The following IL7 variants were observed in gnomAD, a reference collection of about 807,000 sequenced individuals.
IL7 encodes the protein interleukin-7.
IL7 carries 3 observed loss-of-function variants against 21.6 expected under a neutral mutation model. The observed-to-expected ratio is 0.14, with a 90% CI of 0.06 to 0.36. IL7 has a LOEUF of 0.36. Ranked by LOEUF, IL7 falls within the 10% of genes least tolerant of loss-of-function variation. The probability of loss-of-function intolerance (pLI) is 1.00; values close to 1 mark genes in which losing one functional copy is unlikely to be tolerated. For missense variants in IL7, 175 were observed against 200.2 expected (o/e 0.87, Z 0.76); for synonymous variants, 62 against 68.1 (o/e 0.91, Z 0.44).
At chr8:78,799,911 T>C (rs1272916691) in intron 1 of IL7, among the ~76,000 whole-genome samples, 1 of 152,002 alleles carries the variant, frequency 6.6e-6, no homozygotes, top group East Asian at 1.9e-4. Flanking sequence ...ATTTTGGCAA[T>C]TAAAAAAATG....
intron 2 of IL7, among the ~76,000 whole-genome samples, chr8:78,767,910 A>C (rs1041339366): frequency 6.6e-6 from 1 of 151,976 alleles, no homozygotes; most frequent in East Asian, 1.9e-4. Flanking sequence ...TCCTAAAGCT[A>C]TCCCTCCCCC....
chr8:78,762,661 T>A (rs1812616411), intron 2 of IL7, among the ~76,000 whole-genome samples: 1 of 151,966 alleles, frequency 6.6e-6, no homozygotes. Flanking sequence ...CATTTTTTTT[T>A]TTCTATTGTG....
downstream of IL7, among the ~76,000 whole-genome samples, chr8:78,716,063 A>G (rs2130617295): frequency 6.7e-6 from 1 of 148,802 alleles, no homozygotes; most frequent in African/African-American, 2.5e-5. Flanking sequence ...AAAGGCTGTT[A>G]TAGTGTATAG....
chr8:78,691,327 C>A (rs1256419706), intron 3 of IL7, among the ~76,000 whole-genome samples: 1 of 151,994 alleles, frequency 6.6e-6, no homozygotes, highest in Non-Finnish European at 1.5e-5. Flanking sequence ...TTACATCTTC[C>A]CCATTTATTG....
At chr8:78,700,488 A>G (rs907919838) in intron 3 of IL7, among the ~76,000 whole-genome samples, 20 of 152,100 alleles carry the variant, frequency 1.3e-4, no homozygotes, top group African/African-American at 4.6e-4. Context: ...TTCTTTTGCT[A>G]TGCAGAAACT....
chr8:78,687,238 T>G (rs150302278), intron 3 of IL7, among the ~76,000 whole-genome samples: 3 of 152,050 alleles, frequency 2.0e-5, no homozygotes, highest in Non-Finnish European at 4.4e-5. Context: ...CTAAAGAGGT[T>G]GTTAATGTAA....
chr8:78,711,083 G>C (rs1489035391), intron 3 of IL7, among the ~76,000 whole-genome samples: 1 of 152,040 alleles, frequency 6.6e-6, no homozygotes, highest in African/African-American at 2.4e-5. Flanking sequence ...TAGATGCTCA[G>C]GGTTTATAGT....
chr8:78,759,844 C>T (rs1260763496), intron 2 of IL7, among the ~76,000 whole-genome samples: 1 of 152,046 alleles, frequency 6.6e-6, no homozygotes, highest in Non-Finnish European at 1.5e-5. Context: ...AGTAGAGATC[C>T]ACAGTGATAA....
intron 1 of IL7, among the ~76,000 whole-genome samples, chr8:78,802,683 T>G (rs566748362): frequency 2.6e-5 from 4 of 152,296 alleles, no homozygotes; most frequent in South Asian, 2.1e-4. Context: ...TCTGCCCACC[T>G]CAGCCTCCCC....
chr8:78,713,023 G>A (rs902291242), downstream of IL7, among the ~76,000 whole-genome samples: 3 of 152,100 alleles, frequency 2.0e-5, no homozygotes, highest in African/African-American at 4.8e-5. Flanking sequence ...TGTGCTGTGA[G>A]CCGTTTTTCA....
chr8:78,684,396 A>T (rs541327266), intron 4 of IL7, among the ~76,000 whole-genome samples: 1 of 152,296 alleles, frequency 6.6e-6, no homozygotes, highest in African/African-American at 2.4e-5. Context: ...AAACCATCAG[A>T]TCTCATGAGA....
chr8:78,709,227 CATGT>C (rs1240008193), intron 3 of IL7, among the ~76,000 whole-genome samples: 1 of 152,138 alleles, frequency 6.6e-6, no homozygotes, highest in Non-Finnish European at 1.5e-5. Context: ...CAACCAAAGG[CATGT>C]ATGGAGCATT....
At chr8:78,791,115 A>G (rs962706416) in intron 2 of IL7, among the ~76,000 whole-genome samples, 6 of 152,072 alleles carry the variant, frequency 3.9e-5, no homozygotes, top group African/African-American at 1.4e-4. Flanking sequence ...TTCAAGGGGG[A>G]AAGACAAGTT....
chr8:78,683,285 G>A (rs1229267587), intron 4 of IL7, among the ~76,000 whole-genome samples: 2 of 152,228 alleles, frequency 1.3e-5, no homozygotes, highest in Non-Finnish European at 2.9e-5. Flanking sequence ...CCCTAGCAGA[G>A]GTTCTCCATG....
chr8:78,779,865 C>T (rs1021053146), intron 2 of IL7, among the ~76,000 whole-genome samples: 1 of 152,020 alleles, frequency 6.6e-6, no homozygotes, highest in Non-Finnish European at 1.5e-5. Flanking sequence ...TCTGTCTGGT[C>T]GCGGGTTTTC....
rs1390606816 is a variant in IL7 at position 78,761,232 on chromosome 8, A to G, written c.148-21150T>C. ...ACAGAAATTACGTTGTCAAGTTCTA[A>G]AAGCAGTTGTGGTGATCGATGGAAA... On this transcript the variant is annotated intron_variant, in intron 2 of 5. Transcript: ENST00000263851. The G allele has an allele frequency of 1.2e-5, 20 of 1,601,166 alleles. No homozygotes were observed. In the Admixed American group the frequency reaches 1.6e-4, roughly 13 times the overall value.
At chr8:78,679,322 T>A (rs1809687766) in intron 4 of IL7, 1 of 152,186 alleles carries the variant, frequency 6.6e-6, no homozygotes, top group African/African-American at 2.4e-5. Flanking sequence ...TTCCAGGGAC[T>A]CGCCTCTGAT....
rs912964806 is a variant in IL7, at chr8:78,805,283, C to T, written c.-361G>A. 3 of 206,928 alleles carry T rather than the reference C, an allele frequency of 1.4e-5. No individual in the cohort carries two copies. The highest frequency in any genetic ancestry group is 4.6e-5 in the African/African-American group (2 of 43,582). The allele number at this position is 206,928 out of a possible 1,614,324, so 12.8% of individuals were successfully genotyped here. A position where few individuals can be genotyped will look rare whatever the true frequency, so the allele number is the denominator to read the frequency against. ...CTCCTGGGCACCTGCTTCCCGCGCA[C>T]CTGGATGAGGACCAGAGGAATTCGC... On this transcript the variant is annotated 5_prime_UTR_variant, in exon 1 of 6. In the 5' UTR this introduces an upstream ATG that the reference lacks. Transcript: ENST00000263851.
At chr8:78,705,884 G>T (rs2130581009) in intron 3 of IL7, among the ~76,000 whole-genome samples, 1 of 152,166 alleles carries the variant, frequency 6.6e-6, no homozygotes, top group Middle Eastern at 3.4e-3. Context: ...CAGCTGTGTT[G>T]TGCTGGGTTA....
Sources: gnomAD v4.1 joint callset for allele counts (sites outside exome capture counted in the v4.1 genomes callset) on GRCh38, gnomAD v4.1.1 for gene constraint, MANE v1.5 for transcripts, NCBI Gene and HGNC (gene_info 2026-07-23, HGNC 2026-07-21) for gene names.